CNTN5: variants seen among roughly 807,000 people sequenced by gnomAD.
CNTN5 encodes the protein contactin-5.
In CNTN5, 77 loss-of-function variants were observed where a neutral mutation model predicts 129.1. That is an observed-to-expected ratio of 0.60 (90% CI 0.50 to 0.72). The LOEUF (loss-of-function observed/expected upper bound fraction) is 0.72, where lower values mean the gene tolerates loss of function less well. Among genes scored for constraint, CNTN5 ranks in the 30% least tolerant of loss-of-function variants. CNTN5 has a pLI of 0.00. For missense variants in CNTN5, 1,478 were observed against 1,328.8 expected, an observed-to-expected ratio of 1.11 and a Z score of -1.75; for synonymous variants, 509 against 465.6, an observed-to-expected ratio of 1.09 and a Z score of -1.20.
chr11:99,023,301 T>C (rs1862969000), intron 1 of CNTN5, among the ~76,000 whole-genome samples: 1 of 152,356 alleles, frequency 6.6e-6, no homozygotes, highest in East Asian at 1.9e-4. Flanking sequence ...CGCTATCTGT[T>C]AGAAATGTAC....
chr11:99,244,526 C>T (rs569786011), intron 1 of CNTN5, among the ~76,000 whole-genome samples: 2 of 152,114 alleles, frequency 1.3e-5, no homozygotes, highest in Admixed American at 1.3e-4. Context: ...AGCTTATGAC[C>T]TCTCTGTAAT....
At chr11:100,199,629 G>T (rs1948727084) in intron 15 of CNTN5, among the ~76,000 whole-genome samples, 1 of 151,968 alleles carries the variant, frequency 6.6e-6, no homozygotes, top group South Asian at 2.1e-4. Context: ...TCCCTGACTT[G>T]TATGTGCTAA....
chr11:99,077,603 G>C (rs1039432302), intron 1 of CNTN5, among the ~76,000 whole-genome samples: 2 of 152,150 alleles, frequency 1.3e-5, no homozygotes, highest in African/African-American at 2.4e-5. Flanking sequence ...TCACTAAGTG[G>C]TATGGTTAGG....
intron 1 of CNTN5, among the ~76,000 whole-genome samples, chr11:99,057,785 A>AGGT (rs1864686988): frequency 6.9e-6 from 1 of 144,914 alleles, no homozygotes; most frequent in Non-Finnish European, 1.5e-5. Flanking sequence ...ATGAAACATA[A>AGGT]GTGTGTGTGT....
Position 99,764,341 on chromosome 11 carries a change from C to A in CNTN5, c.56-55203C>A, listed in dbSNP as rs192873080. Among the ~76,000 whole-genome samples the A allele has an allele frequency of 2.4e-3, 365 of 151,072 alleles. 12 individuals are homozygous for A. The highest frequency in any genetic ancestry group is 0.023 in the Admixed American group (343 of 15,090). The stretch of plus-strand genomic sequence containing the variant: ...ACAAGTTGGGTGACTCATGGAATTT[C>A]ACATTTTCTCCTAGTCAGCCACATT... On this transcript the variant is annotated intron_variant, in intron 3 of 24. Coordinates refer to ENST00000524871, the MANE Select transcript of CNTN5 (RefSeq NM_014361.4).
intron 1 of CNTN5, among the ~76,000 whole-genome samples, chr11:99,184,752 T>C (rs1858253864): frequency 6.6e-6 from 1 of 152,058 alleles, no homozygotes; most frequent in South Asian, 2.1e-4. Context: ...TTTTTGTGTG[T>C]GTAATGATGG....
At position 100,061,394 on chromosome 11, in the gene CNTN5, G is replaced by GA; in HGVS notation, c.1162+1_1162+2insA. 6.4e-7 allele frequency: 1 copy of GA among 1,553,052 alleles called. No individual in the cohort carries two copies. Among genetic ancestry groups the GA allele is most frequent in the Non-Finnish European group, 8.8e-7 (1 of 1,136,626 alleles). On this transcript the variant is annotated splice_donor_variant, in intron 10 of 24. Transcript: ENST00000524871. LOFTEE classifies it high-confidence loss of function. ...TTTCGTGGACAATTACAAGTATACA[G>GA]TAAGTGTTTTCAGCAAAGCATGATT...
intron 8 of CNTN5, among the ~76,000 whole-genome samples, chr11:99,987,546 CAT>C (rs201307152): frequency 3.0e-5 from 4 of 135,002 alleles, no homozygotes; most frequent in Non-Finnish European, 6.7e-5. Context: ...TATATATACA[CAT>C]ACACACACAC....
chr11:99,399,164 A>C (rs1565549874), intron 2 of CNTN5, among the ~76,000 whole-genome samples: 1 of 151,392 alleles, frequency 6.6e-6, no homozygotes, highest in Non-Finnish European at 1.5e-5. Flanking sequence ...GAATAAAAAA[A>C]ACTAAAATAT....
intron 1 of CNTN5, among the ~76,000 whole-genome samples, chr11:99,266,807 G>T (rs560290513): frequency 1.8e-4 from 27 of 152,108 alleles, no homozygotes; most frequent in Admixed American, 1.3e-3. Context: ...AGGAACAAGT[G>T]TACTTTGCCA....
At chr11:99,836,106 T>G (rs966156777) in intron 4 of CNTN5, among the ~76,000 whole-genome samples, 1 of 151,984 alleles carries the variant, frequency 6.6e-6, no homozygotes, top group Non-Finnish European at 1.5e-5. Flanking sequence ...AAGGGGTGGT[T>G]TGTTCATGCC....
chr11:99,804,983 T>C (rs1191923337), intron 3 of CNTN5, among the ~76,000 whole-genome samples: 2 of 151,962 alleles, frequency 1.3e-5, no homozygotes, highest in East Asian at 1.9e-4. Flanking sequence ...AAACAAAACA[T>C]GGCCTCATCT....
chr11:99,245,144 G>A (rs1861753077), intron 1 of CNTN5, among the ~76,000 whole-genome samples: 1 of 152,110 alleles, frequency 6.6e-6, no homozygotes, highest in Admixed American at 6.6e-5. Flanking sequence ...TCACATGTAT[G>A]CTTAAATTCA....
intron 6 of CNTN5, among the ~76,000 whole-genome samples, chr11:99,882,122 G>A (rs1209274585): frequency 2.6e-5 from 4 of 152,100 alleles, no homozygotes; most frequent in Non-Finnish European, 4.4e-5. Flanking sequence ...AAGCTAAAAG[G>A]CAAAATGCTA....
At chr11:99,411,200 A>G (rs1406405948) in intron 2 of CNTN5, among the ~76,000 whole-genome samples, 1 of 152,168 alleles carries the variant, frequency 6.6e-6, no homozygotes, top group East Asian at 1.9e-4. Flanking sequence ...ACAATATATA[A>G]TTACAATTTT....
In CNTN5 at chr11:99,212,579, C is replaced by T. The variant is rs529008223; in HGVS notation, c.-209-112767C>T. ...ATTTGTTCCATCTTTACAACTTGTA[C>T]ATAAACGGACCTCCCATCTTCTAAA... On this transcript the variant is annotated intron_variant, in intron 1 of 24. Transcript: ENST00000524871. Among the ~76,000 whole-genome samples the T allele has an allele frequency of 9.3e-4, 141 of 152,162 alleles. 1 individual carries two copies. Among genetic ancestry groups the T allele is most frequent in the African/African-American group, 3.3e-3 (136 of 41,528 alleles).
At chr11:99,511,292 C>T (rs1448002013) in intron 2 of CNTN5, among the ~76,000 whole-genome samples, 4 of 152,160 alleles carry the variant, frequency 2.6e-5, no homozygotes, top group South Asian at 2.1e-4. Flanking sequence ...GCCTTCATTT[C>T]GTTACGTACC....
At chr11:99,716,033 A>T (rs1010309580) in intron 3 of CNTN5, among the ~76,000 whole-genome samples, 5 of 151,316 alleles carry the variant, frequency 3.3e-5, no homozygotes, top group African/African-American at 1.2e-4. Context: ...TTTAAAAAAA[A>T]GTTTGGAAGA....
chr11:99,353,582 T>A (rs916702585), intron 2 of CNTN5, among the ~76,000 whole-genome samples: 1 of 152,178 alleles, frequency 6.6e-6, no homozygotes, highest in Admixed American at 6.5e-5. Context: ...AAAGATTGAA[T>A]CATGGTCAGA....
Sources: gnomAD v4.1 joint callset for allele counts (sites outside exome capture counted in the v4.1 genomes callset) on GRCh38, gnomAD v4.1.1 for gene constraint, MANE v1.5 for transcripts, NCBI Gene and HGNC (gene_info 2026-07-23, HGNC 2026-07-21) for gene names.